ADAMTS3: variants seen among roughly 807,000 people sequenced by gnomAD.
ADAMTS3 encodes the protein ADAM metallopeptidase with thrombospondin type 1 motif 3.
Under a neutral mutation model 129.0 loss-of-function variants are expected in ADAMTS3, and 73 were observed. The ratio of observed to expected loss-of-function variants is 0.57; its 90% confidence interval spans 0.47 to 0.69. The LOEUF (loss-of-function observed/expected upper bound fraction) is 0.69. Among genes scored for constraint, ADAMTS3 ranks in the 30% least tolerant of loss-of-function variants. The pLI is 0.00. For synonymous variants in ADAMTS3, 477 were observed against 510.8 expected (o/e 0.93, Z 0.89); for missense variants, 1,457 against 1,514.5 (o/e 0.96, Z 0.63).
At chr4:72,409,053 C>A (rs978485738) in intron 4 of ADAMTS3, among the ~76,000 whole-genome samples, 3 of 151,620 alleles carry the variant, frequency 2.0e-5, no homozygotes, top group African/African-American at 7.3e-5. Context: ...TAACCCAGAA[C>A]TTAAAGTATA....
intron 4 of ADAMTS3, among the ~76,000 whole-genome samples, chr4:72,404,558 G>A (rs1259536509): frequency 1.3e-5 from 2 of 151,774 alleles, no homozygotes; most frequent in African/African-American, 4.8e-5. Flanking sequence ...AAACTCCTAG[G>A]AGAAAGCAAA....
At chr4:72,555,232 G>T (rs1721732439) in intron 2 of ADAMTS3, among the ~76,000 whole-genome samples, 1 of 151,686 alleles carries the variant, frequency 6.6e-6, no homozygotes, top group African/African-American at 2.4e-5. Context: ...TAAAAACTTA[G>T]GTTTGGTATT....
rs1475405285 is a variant in ADAMTS3 at position 72,295,645 on chromosome 4, G to A, written c.2723+9C>T. On this transcript the variant is annotated intron_variant, in intron 19 of 21. Transcript: ENST00000286657. ...ACCTCCAGATATGATAGTTAAAATA[G>A]ATGCTTACAGTGGATGTGTACACTC... The A allele has an allele frequency of 6.2e-7, 1 of 1,603,318 alleles. No homozygotes were observed. Among genetic ancestry groups the A allele is most frequent in the Non-Finnish European group, 8.5e-7 (1 of 1,174,852 alleles).
chr4:72,499,652 G>A (rs938143767), intron 3 of ADAMTS3, among the ~76,000 whole-genome samples: 1 of 151,948 alleles, frequency 6.6e-6, no homozygotes, highest in African/African-American at 2.4e-5. Context: ...TTAGATTCGG[G>A]AGTACATTTG....
Position 72,448,752 on chromosome 4 carries a change from T to C in ADAMTS3, c.505-33781A>G, listed in dbSNP as rs1212242275. ...AAATTCTTGTAATATGAAGAAGCAA[T>C]CCAAAAGTAAGCCTCCTCCCCTTTT... On this transcript the variant is annotated intron_variant, in intron 3 of 21. Coordinates refer to ENST00000286657, the MANE Select transcript of ADAMTS3 (RefSeq NM_014243.3). Among the ~76,000 whole-genome samples the C allele has an allele frequency of 4.6e-5, 7 of 151,580 alleles. No homozygotes were observed. In the East Asian group the frequency reaches 1.4e-3, roughly 30 times the overall value.
chr4:72,564,382 A>G (rs973437010), intron 2 of ADAMTS3, among the ~76,000 whole-genome samples: 1 of 152,176 alleles, frequency 6.6e-6, no homozygotes, highest in Non-Finnish European at 1.5e-5. Context: ...GTTTCCCACA[A>G]TTAACTCAGG....
At chr4:72,450,742 C>T (rs1357613101) in intron 3 of ADAMTS3, among the ~76,000 whole-genome samples, 1 of 151,642 alleles carries the variant, frequency 6.6e-6, no homozygotes, top group Non-Finnish European at 1.5e-5. Flanking sequence ...CCATTTCCAG[C>T]CGGGTGCCTT....
intron 3 of ADAMTS3, among the ~76,000 whole-genome samples, chr4:72,514,996 C>T (rs1187650324): frequency 6.6e-6 from 1 of 152,110 alleles, no homozygotes; most frequent in East Asian, 1.9e-4. Context: ...TACCCCCACC[C>T]CACAACAGTC....
At chr4:72,477,790 A>G (rs373396906) in intron 3 of ADAMTS3, among the ~76,000 whole-genome samples, 1,841 of 152,172 alleles carry the variant, frequency 0.012, 36 homozygotes, top group African/African-American at 0.042. Flanking sequence ...TTGATAGACC[A>G]CTAGCAAGAC....
chr4:72,446,297 C>T (rs1048997123), intron 3 of ADAMTS3, among the ~76,000 whole-genome samples: 1 of 151,638 alleles, frequency 6.6e-6, no homozygotes, highest in African/African-American at 2.4e-5. Context: ...TCAAGTTCCC[C>T]TCAGATCTCA....
intron 3 of ADAMTS3, among the ~76,000 whole-genome samples, chr4:72,455,999 T>TTTATATAGTATATATACTATATA (rs1718572860): frequency 5.6e-5 from 2 of 35,578 alleles, no homozygotes; most frequent in African/African-American, 2.1e-4. Context: ...TATATATATT[T>TTTATATAGTATATATACTATATA]TACATATAGT....
intron 11 of ADAMTS3, among the ~76,000 whole-genome samples, chr4:72,315,435 G>A (rs528393110): frequency 6.6e-6 from 1 of 152,256 alleles, no homozygotes; most frequent in South Asian, 2.1e-4. Flanking sequence ...CCATAAAGAT[G>A]AGGAAAACGC....
chr4:72,449,687 G>A (rs1309982419), intron 3 of ADAMTS3, among the ~76,000 whole-genome samples: 1 of 151,482 alleles, frequency 6.6e-6, no homozygotes, highest in Non-Finnish European at 1.5e-5. Flanking sequence ...ATCCTTCCTG[G>A]CCCCTATTAT....
At chr4:72,474,455 G>C (rs1560529742) in intron 3 of ADAMTS3, among the ~76,000 whole-genome samples, 2 of 151,980 alleles carry the variant, frequency 1.3e-5, no homozygotes, top group South Asian at 2.1e-4. Flanking sequence ...AGAATAAATG[G>C]ACAGAGAAAA....
intron 3 of ADAMTS3, among the ~76,000 whole-genome samples, chr4:72,462,145 AAGTGCACACTTAAAG>A (rs1294033332): frequency 6.6e-6 from 1 of 151,894 alleles, no homozygotes; most frequent in African/African-American, 2.4e-5. Flanking sequence ...AAAATAAAGC[AAGTGCACACTTAAAG>A]AGTGACTGGG....
chr4:72,447,605 G>T (rs1718292638), intron 3 of ADAMTS3, among the ~76,000 whole-genome samples: 1 of 151,768 alleles, frequency 6.6e-6, no homozygotes, highest in African/African-American at 2.4e-5. Context: ...TCAAAAACAA[G>T]TGAGGCTTTG....
At chr4:72,507,811 G>C (rs1436769853) in intron 3 of ADAMTS3, among the ~76,000 whole-genome samples, 1 of 152,084 alleles carries the variant, frequency 6.6e-6, no homozygotes, top group Admixed American at 6.5e-5. Context: ...CCCTCCACAG[G>C]CTATCTGTCT....
intron 3 of ADAMTS3, among the ~76,000 whole-genome samples, chr4:72,479,998 C>A (rs1413657919): frequency 6.6e-6 from 1 of 152,020 alleles, no homozygotes; most frequent in East Asian, 1.9e-4. Context: ...CAATGAGATA[C>A]CATCTCACAC....
At chr4:72,330,201 T>C (rs1719809422) in intron 5 of ADAMTS3, among the ~76,000 whole-genome samples, 1 of 152,032 alleles carries the variant, frequency 6.6e-6, no homozygotes, top group Non-Finnish European at 1.5e-5. Context: ...GTATTTTTGG[T>C]AGTCATGGGG....
Sources: allele counts gnomAD v4.1 joint callset (sites outside exome capture counted in the v4.1 genomes callset), GRCh38; gene constraint gnomAD v4.1.1; transcripts MANE v1.5; gene names NCBI Gene and HGNC (gene_info 2026-07-23, HGNC 2026-07-21).